Variants in MAP3K5 observed in about 807,000 individuals in gnomAD.
MAP3K5 encodes the protein mitogen-activated protein kinase kinase kinase 5, also known as ASK-1.
In MAP3K5, 56 loss-of-function variants were observed where a neutral mutation model predicts 158.7. The ratio of observed to expected loss-of-function variants is 0.35; its 90% CI spans 0.28 to 0.44. MAP3K5 has a LOEUF of 0.44. Ranked by LOEUF, MAP3K5 falls within the 20% of genes least tolerant of loss-of-function variation. The pLI is 1.00. For missense variants in MAP3K5, 1,294 were observed against 1,674.8 expected (o/e 0.77, Z 3.97); for synonymous variants, 579 against 601.7 (o/e 0.96, Z 0.55).
intron 1 of MAP3K5, among the ~76,000 whole-genome samples, chr6:136,729,072 CA>C (rs202210097): frequency 0.014 from 2,145 of 152,250 alleles, 16 homozygotes; most frequent in Non-Finnish European, 0.023. Flanking sequence ...GCAATAGCTG[CA>C]AGAGCTCAGC....
At chr6:136,627,134 CTTCT>C (rs1487408429) in intron 14 of MAP3K5, among the ~76,000 whole-genome samples, 4 of 151,840 alleles carry the variant, frequency 2.6e-5, no homozygotes, top group Admixed American at 6.6e-5. Flanking sequence ...TGTTTTTTTC[CTTCT>C]TTTACTATGT....
chr6:136,637,190 A>C, intron 14 of MAP3K5, 135 bp downstream of exon 14: 1 of 1,285,524 alleles, frequency 7.8e-7, no homozygotes, highest in South Asian at 1.5e-5. Flanking sequence ...GAATTCTGGA[A>C]GTTGCTTTTA....
intron 1 of MAP3K5, among the ~76,000 whole-genome samples, chr6:136,757,428 G>A (rs1783540525): frequency 6.6e-6 from 1 of 152,102 alleles, no homozygotes; most frequent in Non-Finnish European, 1.5e-5. Context: ...GAATTTATGA[G>A]CTGTCTGTCT....
At chr6:136,685,949 G>A (rs897919608) in intron 7 of MAP3K5, among the ~76,000 whole-genome samples, 1 of 152,240 alleles carries the variant, frequency 6.6e-6, no homozygotes, top group East Asian at 1.9e-4. Flanking sequence ...GGGAGGTTGG[G>A]GACAAGGCCA....
chr6:136,783,333 TTTTAA>T (rs150432339), intron 1 of MAP3K5, among the ~76,000 whole-genome samples: 78,496 of 150,944 alleles, frequency 0.52, 21,113 homozygotes, highest in Admixed American at 0.61. Flanking sequence ...ACCAATGGAT[TTTTAA>T]TTTATCATTT....
chr6:136,716,914 T>C (rs912192756), intron 2 of MAP3K5, among the ~76,000 whole-genome samples: 6 of 152,106 alleles, frequency 3.9e-5, no homozygotes, highest in Non-Finnish European at 5.9e-5. Flanking sequence ...TCCCAGCACT[T>C]TGGGGGGCCG....
chr6:136,589,685 T>C (rs916268980), intron 23 of MAP3K5, among the ~76,000 whole-genome samples: 17 of 152,076 alleles, frequency 1.1e-4, no homozygotes, highest in African/African-American at 3.6e-4. Context: ...ATGTTTCTGG[T>C]GTCCGTATCA....
At chr6:136,725,419 CG>C (rs1781926600) in intron 1 of MAP3K5, among the ~76,000 whole-genome samples, 2 of 152,120 alleles carry the variant, frequency 1.3e-5, no homozygotes, top group Admixed American at 1.3e-4. Flanking sequence ...AGTGGTACTT[CG>C]TTATGGTTTT....
At chr6:136,603,900 TA>T (rs1413297503) in intron 19 of MAP3K5, among the ~76,000 whole-genome samples, 1 of 152,190 alleles carries the variant, frequency 6.6e-6, no homozygotes, top group East Asian at 1.9e-4. Context: ...TCTTCAAGCA[TA>T]AAGCCAAGCT....
intron 21 of MAP3K5, among the ~76,000 whole-genome samples, chr6:136,593,950 C>T (rs191565740): frequency 5.9e-4 from 90 of 152,226 alleles, no homozygotes; most frequent in African/African-American, 2.0e-3. Context: ...GCGAGAAAGA[C>T]GGAAGTACAT....
intron 1 of MAP3K5, among the ~76,000 whole-genome samples, chr6:136,727,190 AATAAATTAAACAAACACTTG>A (rs1269146155): frequency 9.9e-5 from 15 of 152,242 alleles, no homozygotes; most frequent in Admixed American, 1.3e-4. Context: ...ATGTAATTAT[AATAAATTAAACAAACACTTG>A]ATACTCAAGA....
chr6:136,739,482 C>T (rs904059292), intron 1 of MAP3K5, among the ~76,000 whole-genome samples: 1 of 152,230 alleles, frequency 6.6e-6, no homozygotes, highest in African/African-American at 2.4e-5. Context: ...CCCCAGGGTA[C>T]TGTCAATCAC....
At chr6:136,744,938 G>A (rs1230722327) in intron 1 of MAP3K5, among the ~76,000 whole-genome samples, 5 of 152,232 alleles carry the variant, frequency 3.3e-5, no homozygotes, top group South Asian at 2.1e-4. Flanking sequence ...CAACCATGCC[G>A]CAGAGCACCG....
intron 26 of MAP3K5, among the ~76,000 whole-genome samples, chr6:136,564,508 A>C (rs538927842): frequency 1.4e-4 from 21 of 152,328 alleles, no homozygotes; most frequent in Non-Finnish European, 1.3e-4. Context: ...ATCCAAAGAA[A>C]TGGGCAGGAA....
intron 29 of MAP3K5, among the ~76,000 whole-genome samples, chr6:136,558,336 G>A (rs1342707412): frequency 6.6e-6 from 1 of 150,942 alleles, no homozygotes; most frequent in Non-Finnish European, 1.5e-5. Context: ...CTGAGATCAC[G>A]CCACTGCACT....
chr6:136,725,169 G>A (rs983362042), intron 1 of MAP3K5, among the ~76,000 whole-genome samples: 3 of 152,204 alleles, frequency 2.0e-5, no homozygotes, highest in African/African-American at 4.8e-5. Flanking sequence ...TGCTATTCAT[G>A]TACAAGTCTT....
intron 17 of MAP3K5, among the ~76,000 whole-genome samples, chr6:136,612,661 T>G (rs113004648): frequency 0.012 from 1,886 of 152,354 alleles, 41 homozygotes; most frequent in African/African-American, 0.044. Context: ...ACCTTATAAT[T>G]ATAGTTAAAT....
In MAP3K5 at chr6:136,557,613, GTTT is replaced by G. The variant is rs34705939; in HGVS notation, c.*142_*144del. On this transcript the variant is annotated 3_prime_UTR_variant, in exon 30 of 30. Coordinates refer to ENST00000359015, the MANE Select transcript of MAP3K5 (RefSeq NM_005923.4). ...TAGGAAATTTCAGTGTGTTTTGTCT[GTTT>G]TTTTTTTTTTTAACATGAGTAAACA... 89 of 475,574 alleles carry G rather than the reference GTTT, an allele frequency of 1.9e-4. No homozygotes were observed. The highest frequency in any genetic ancestry group is 9.7e-4 in the East Asian group (28 of 28,760). 29.5% of individuals were successfully genotyped at this position (475,574 alleles called of 1,614,324 possible).
chr6:136,671,898 TTACAGGTGTAAGCCAC>T (rs1368161191), intron 7 of MAP3K5, among the ~76,000 whole-genome samples: 2 of 152,044 alleles, frequency 1.3e-5, no homozygotes, highest in African/African-American at 2.4e-5. Flanking sequence ...AGTGCTGGGA[TTACAGGTGTAAGCCAC>T]TGCACTCGGC....
Sources: gnomAD v4.1 joint callset for allele counts (sites outside exome capture counted in the v4.1 genomes callset) on GRCh38, gnomAD v4.1.1 for gene constraint, MANE v1.5 for transcripts, NCBI Gene and HGNC (gene_info 2026-07-23, HGNC 2026-07-21) for gene names.